Variants in NRXN3 observed in about 807,000 individuals in gnomAD.
NRXN3 encodes the protein neurexin III.
NRXN3 carries 32 observed loss-of-function variants against 137.6 expected under a neutral mutation model. The observed-to-expected ratio is 0.23, with a 90% CI of 0.18 to 0.31. The LOEUF is 0.31. Among genes scored for constraint, NRXN3 ranks in the 10% least tolerant of loss-of-function variants. NRXN3 has a pLI of 1.00. For synonymous variants in NRXN3, 798 were observed against 784.5 expected (o/e 1.02, Z -0.29); for missense variants, 1,574 against 2,062.5 (o/e 0.76, Z 4.59).
intron 16 of NRXN3, among the ~76,000 whole-genome samples, chr14:79,476,210 T>G (rs1256259607): frequency 6.6e-6 from 1 of 152,096 alleles, no homozygotes; most frequent in South Asian, 2.1e-4. Context: ...GGGAATTCAT[T>G]AGCCACCCAC....
At chr14:79,468,439 CA>C (rs2096458051) in intron 16 of NRXN3, among the ~76,000 whole-genome samples, 1 of 151,932 alleles carries the variant, frequency 6.6e-6, no homozygotes, top group Admixed American at 6.6e-5. Context: ...TAATTTGGAG[CA>C]ATAAGAATTT....
chr14:79,560,504 CT>C (rs34025659), intron 16 of NRXN3, among the ~76,000 whole-genome samples: 24 of 43,766 alleles, frequency 5.5e-4, no homozygotes, highest in South Asian at 1.4e-3. Flanking sequence ...AGATTGTAAG[CT>C]TTTTTTTTTT....
intron 4 of NRXN3, among the ~76,000 whole-genome samples, chr14:78,635,074 A>T (rs1463452540): frequency 1.3e-5 from 2 of 152,196 alleles, no homozygotes; most frequent in African/African-American, 4.8e-5. Flanking sequence ...AGGAAGTTTC[A>T]CATAATATCT....
At chr14:79,324,449 A>G (rs923133203) in intron 15 of NRXN3, among the ~76,000 whole-genome samples, 1 of 152,240 alleles carries the variant, frequency 6.6e-6, no homozygotes. Context: ...TGGTATTGAC[A>G]TAGAGATTCC....
chr14:78,972,469 T>C (rs2099445649), intron 14 of NRXN3, among the ~76,000 whole-genome samples: 1 of 152,198 alleles, frequency 6.6e-6, no homozygotes, highest in African/African-American at 2.4e-5. Context: ...AGTGACTCTT[T>C]CATGCTGAAC....
intron 16 of NRXN3, among the ~76,000 whole-genome samples, chr14:79,602,261 T>C (rs1239863744): frequency 6.6e-6 from 1 of 152,208 alleles, no homozygotes; most frequent in Non-Finnish European, 1.5e-5. Context: ...ATATATGAAA[T>C]TATGCCATAA....
At chr14:79,804,319 A>G (rs1282253104) in intron 19 of NRXN3, among the ~76,000 whole-genome samples, 1 of 152,058 alleles carries the variant, frequency 6.6e-6, no homozygotes, top group Non-Finnish European at 1.5e-5. Flanking sequence ...CATCTCACCT[A>G]CTGTATGGAG....
chr14:79,177,569 C>T (rs1423218504), intron 15 of NRXN3, among the ~76,000 whole-genome samples: 2 of 152,052 alleles, frequency 1.3e-5, no homozygotes, highest in Non-Finnish European at 2.9e-5. Context: ...GCCTGAGTAC[C>T]CAAGGCTGCA....
At chr14:78,969,646 C>G (rs956377181) in intron 14 of NRXN3, among the ~76,000 whole-genome samples, 6 of 152,168 alleles carry the variant, frequency 3.9e-5, no homozygotes, top group African/African-American at 1.4e-4. Context: ...TTCCTGTCAG[C>G]TTATCAGGCT....
chr14:78,429,436 TC>T (rs1238111500), intron 4 of NRXN3, among the ~76,000 whole-genome samples: 3 of 152,210 alleles, frequency 2.0e-5, no homozygotes, highest in Non-Finnish European at 4.4e-5. Flanking sequence ...TCAGCTTTCT[TC>T]TTTTTAGTGT....
At chr14:79,319,790 C>CA (rs2089641722) in intron 15 of NRXN3, among the ~76,000 whole-genome samples, 1 of 152,136 alleles carries the variant, frequency 6.6e-6, no homozygotes, top group African/African-American at 2.4e-5. Flanking sequence ...TGAGTACTAG[C>CA]AGTACCACTA....
At chr14:78,613,578 GTTTTTT>G (rs57745190) in intron 4 of NRXN3, among the ~76,000 whole-genome samples, 5 of 95,124 alleles carry the variant, frequency 5.3e-5, no homozygotes, top group African/African-American at 2.3e-4. Flanking sequence ...CACAACCATA[GTTTTTT>G]TTTTTTTTTT....
intron 2 of NRXN3, among the ~76,000 whole-genome samples, chr14:78,251,056 G>T (rs1284263044): frequency 6.6e-6 from 1 of 152,200 alleles, no homozygotes; most frequent in Non-Finnish European, 1.5e-5. Flanking sequence ...TTAGTGAAGT[G>T]ACTGGGATTG....
intron 4 of NRXN3, among the ~76,000 whole-genome samples, chr14:78,298,552 A>G (rs940334197): frequency 2.0e-5 from 3 of 152,254 alleles, no homozygotes; most frequent in Admixed American, 2.0e-4. Context: ...AGCTCAGCTA[A>G]GCACAGGGTG....
chr14:78,820,622 T>C (rs550148431), intron 10 of NRXN3, among the ~76,000 whole-genome samples: 1 of 152,076 alleles, frequency 6.6e-6, no homozygotes, highest in Non-Finnish European at 1.5e-5. Flanking sequence ...ATCATTGTCA[T>C]CCCCAAGCCT....
intron 10 of NRXN3, among the ~76,000 whole-genome samples, chr14:78,836,698 A>G (rs1452026480): frequency 5.3e-5 from 8 of 152,190 alleles, no homozygotes; most frequent in Admixed American, 2.0e-4. Flanking sequence ...AGTTTATTTC[A>G]TGACATGTAA....
intron 8 of NRXN3, among the ~76,000 whole-genome samples, chr14:78,774,218 C>T (rs1439533060): frequency 2.0e-5 from 3 of 152,088 alleles, no homozygotes; most frequent in Non-Finnish European, 4.4e-5. Flanking sequence ...AGTCACATAG[C>T]GTTATGATGG....
chr14:78,532,762 A>G (rs117732931), intron 4 of NRXN3, among the ~76,000 whole-genome samples: 5,555 of 151,906 alleles, frequency 0.037, 156 homozygotes, highest in Middle Eastern at 0.075. Flanking sequence ...CTTCGTATCC[A>G]AATCATCATT....
intron 15 of NRXN3, among the ~76,000 whole-genome samples, chr14:79,462,849 G>A (rs10129685): frequency 8.5e-5 from 2 of 23,576 alleles, no homozygotes; most frequent in Non-Finnish European, 1.5e-4. Flanking sequence ...ATGTATATGT[G>A]CATACACAAT....
Sources: gnomAD v4.1 joint callset for allele counts (sites outside exome capture counted in the v4.1 genomes callset) on GRCh38, gnomAD v4.1.1 for gene constraint, MANE v1.5 for transcripts, NCBI Gene and HGNC (gene_info 2026-07-23, HGNC 2026-07-21) for gene names.